The following GMDS variants were observed in gnomAD, a reference collection of about 807,000 sequenced individuals.
The protein encoded by GMDS is GDP-mannose 4,6-dehydratase.
Under a neutral mutation model 49.9 loss-of-function variants are expected in GMDS, and 20 were observed. The ratio of observed to expected loss-of-function variants is 0.40; its 90% CI spans 0.28 to 0.58. The LOEUF (loss-of-function observed/expected upper bound fraction) is 0.58, where lower values mean the gene tolerates loss of function less well. Among genes scored for constraint, GMDS ranks in the 20% least tolerant of loss-of-function variants. The probability of loss-of-function intolerance (pLI) is 0.42; values close to 1 mark genes in which losing one functional copy is unlikely to be tolerated. For synonymous variants in GMDS, 177 were observed against 178.6 expected (o/e 0.99, Z 0.07); for missense variants, 362 against 481.4 (o/e 0.75, Z 2.32).
At chr6:2,033,834 G>C (rs1769118439) in intron 4 of GMDS, among the ~76,000 whole-genome samples, 2 of 152,146 alleles carry the variant, frequency 1.3e-5, no homozygotes, top group Admixed American at 6.6e-5. Context: ...AGATGGAGGT[G>C]TTGAAACTGT....
chr6:2,096,709 C>A lies in GMDS; in HGVS notation c.345+19062G>T, dbSNP rs549096017. ...AGCAAATAGAAAAAAACAATTCTCA[C>A]TAGCTTGGGGTCAGTGAAAACCTAT... is the stretch of plus-strand genomic sequence containing the variant. On this transcript the variant is annotated intron_variant, in intron 4 of 10. Transcript: ENST00000380815. 4.0e-4 allele frequency among the ~76,000 whole-genome samples: 61 copies of A among 152,278 alleles called. 1 individual carries two copies. Among genetic ancestry groups the A allele is most frequent in the African/African-American group, 1.4e-3 (59 of 41,566 alleles).
In GMDS at chr6:1,799,355, A is replaced by G. The variant is rs145788484; in HGVS notation, c.772-56769T>C. 1.2e-4 allele frequency among the ~76,000 whole-genome samples: 19 copies of G among 152,316 alleles called. No individual in the cohort carries two copies. In the East Asian group the frequency reaches 3.7e-3, roughly 29 times the overall value. ...GATGATATGCTGGAGTGGATGGCAT[A>G]TATCTAAGAAAGCTCAAGCCTTGGC... On this transcript the variant is annotated intron_variant, in intron 7 of 10. Transcript: ENST00000380815.
Position 1,943,207 on chromosome 6 carries a change from C to G in GMDS, c.644-12977G>C, listed in dbSNP as rs1001197289. The stretch of plus-strand genomic sequence containing the variant: ...GTGTCTTCTCCTTCTCTGGACGGCC[C>G]CTTCTCTGAGAAACATCTGTATCCA... On this transcript the variant is annotated intron_variant, in intron 6 of 10. Coordinates refer to ENST00000380815, the MANE Select transcript of GMDS (RefSeq NM_001500.4). 5.9e-5 allele frequency among the ~76,000 whole-genome samples: 9 copies of G among 152,286 alleles called. No homozygotes were observed. The South Asian group carries it at 1.9e-3, about 32-fold the overall frequency.
intron 4 of GMDS, among the ~76,000 whole-genome samples, chr6:2,084,999 C>A (rs1772929588): frequency 6.6e-6 from 1 of 152,114 alleles, no homozygotes; most frequent in Non-Finnish European, 1.5e-5. Context: ...GCAACCCTAT[C>A]ATTTTTCAAG....
At chr6:1,904,775 G>A (rs759971198) in intron 7 of GMDS, among the ~76,000 whole-genome samples, 1 of 152,176 alleles carries the variant, frequency 6.6e-6, no homozygotes, top group Non-Finnish European at 1.5e-5. Flanking sequence ...CACATAGCCA[G>A]GAGCCCCCAG....
At chr6:2,200,059 A>C (rs1779439795) in intron 1 of GMDS, among the ~76,000 whole-genome samples, 1 of 152,188 alleles carries the variant, frequency 6.6e-6, no homozygotes, top group Admixed American at 6.5e-5. Context: ...GCTCTAGAAT[A>C]TATTCATTCA....
At chr6:1,945,142 G>T (rs373340644) in intron 6 of GMDS, among the ~76,000 whole-genome samples, 1 of 152,086 alleles carries the variant, frequency 6.6e-6, no homozygotes, top group Non-Finnish European at 1.5e-5. Flanking sequence ...CTTAGTTGTC[G>T]ACATACAATA....
chr6:2,204,063 C>T (rs1779675522), intron 1 of GMDS, among the ~76,000 whole-genome samples: 1 of 152,148 alleles, frequency 6.6e-6, no homozygotes, highest in Non-Finnish European at 1.5e-5. Flanking sequence ...CAGGAAACTA[C>T]AAAACTAGCA....
intron 4 of GMDS, among the ~76,000 whole-genome samples, chr6:2,101,450 G>C (rs1773919870): frequency 6.6e-6 from 1 of 151,794 alleles, no homozygotes; most frequent in Non-Finnish European, 1.5e-5. Flanking sequence ...TTAGTCTCTG[G>C]ATCCTGTGCC....
intron 7 of GMDS, among the ~76,000 whole-genome samples, chr6:1,846,298 GC>G (rs1757410505): frequency 6.6e-6 from 1 of 151,922 alleles, no homozygotes; most frequent in Non-Finnish European, 1.5e-5. Flanking sequence ...TTGCCATGTT[GC>G]CCAGGCTGGT....
intron 7 of GMDS, among the ~76,000 whole-genome samples, chr6:1,877,982 G>A (rs1759160345): frequency 6.6e-6 from 1 of 152,136 alleles, no homozygotes; most frequent in South Asian, 2.1e-4. Context: ...CTTGGTATGA[G>A]GAGATGTAAC....
intron 7 of GMDS, among the ~76,000 whole-genome samples, chr6:1,854,459 C>A (rs1424284330): frequency 3.3e-5 from 5 of 152,178 alleles, no homozygotes; most frequent in Non-Finnish European, 7.3e-5. Flanking sequence ...TCCTATCTAT[C>A]CTTTTAGAAG....
rs534265370 is a variant in GMDS, at chr6:2,024,642, C to T, written c.346-63676G>A. Reference sequence around the variant, plus strand: ...ACAAAGAGAAAGTATAAATTTGTAACCAACAGCCATGGAAAAGGAAATGAA... The same window carrying T: ...ACAAAGAGAAAGTATAAATTTGTAATCAACAGCCATGGAAAAGGAAATGAA... On this transcript the variant is annotated intron_variant, in intron 4 of 10. Coordinates refer to ENST00000380815, the MANE Select transcript of GMDS (RefSeq NM_001500.4). Among the ~76,000 whole-genome samples the T allele has an allele frequency of 6.6e-4, 100 of 151,412 alleles. 2 individuals are homozygous for T. In the South Asian group the frequency reaches 0.019, roughly 29 times the overall value.
At chr6:1,837,860 A>G (rs1490801523) in intron 7 of GMDS, among the ~76,000 whole-genome samples, 1 of 152,170 alleles carries the variant, frequency 6.6e-6, no homozygotes, top group Non-Finnish European at 1.5e-5. Context: ...CAGCTCAGGG[A>G]GGAAGGAGAC....
At chr6:1,795,963 GTTCTC>G (rs1310906751) in intron 7 of GMDS, among the ~76,000 whole-genome samples, 2 of 152,220 alleles carry the variant, frequency 1.3e-5, no homozygotes, top group East Asian at 3.8e-4. Context: ...GGACTGGCCA[GTTCTC>G]TTCTCTCTAC....
intron 4 of GMDS, among the ~76,000 whole-genome samples, chr6:2,064,165 C>T (rs1037616536): frequency 7.3e-5 from 11 of 151,512 alleles, no homozygotes; most frequent in African/African-American, 2.7e-4. Flanking sequence ...TTTTCATCAC[C>T]TGAAAAGTAG....
In GMDS at chr6:2,149,780, C is replaced by T. The variant is rs150676384; in HGVS notation, c.103-25049G>A. Reference sequence around the variant, plus strand: ...CTATTTGCTCGTCCCCAGAACCCAACGGTGACTATATTTAACTGACTTTAC... The same window carrying T: ...CTATTTGCTCGTCCCCAGAACCCAATGGTGACTATATTTAACTGACTTTAC... On this transcript the variant is annotated intron_variant, in intron 1 of 10. Coordinates refer to ENST00000380815, the MANE Select transcript of GMDS (RefSeq NM_001500.4). 8.2e-3 allele frequency among the ~76,000 whole-genome samples: 1,252 copies of T among 152,280 alleles called. 6 individuals carry two copies. The highest frequency in any genetic ancestry group is 0.013 in the Non-Finnish European group (864 of 68,026).
intron 7 of GMDS, among the ~76,000 whole-genome samples, chr6:1,797,750 C>A (rs1455340988): frequency 6.6e-6 from 1 of 152,158 alleles, no homozygotes; most frequent in Non-Finnish European, 1.5e-5. Flanking sequence ...CCAGGAAGCT[C>A]AGAAATTATG....
intron 6 of GMDS, chr6:1,930,925 A>G: frequency 6.6e-6 from 1 of 152,298 alleles, no homozygotes; most frequent in East Asian, 1.9e-4. Flanking sequence ...AGGGCTCCTA[A>G]ATTTTGTGTA....
Sources: gnomAD v4.1 joint callset for allele counts (sites outside exome capture counted in the v4.1 genomes callset) on GRCh38, gnomAD v4.1.1 for gene constraint, MANE v1.5 for transcripts, NCBI Gene and HGNC (gene_info 2026-07-23, HGNC 2026-07-21) for gene names.